SEZ6: variants seen among roughly 807,000 people sequenced by gnomAD.
The protein encoded by SEZ6 is seizure protein 6 homolog.
A neutral mutation model predicts 101.0 loss-of-function variants in SEZ6; 53 were observed. The observed-to-expected ratio is 0.52, with a 90% CI of 0.42 to 0.66. SEZ6 has a LOEUF of 0.66. Ranked by LOEUF, SEZ6 falls within the 30% of genes least tolerant of loss-of-function variation. SEZ6 has a pLI of 0.00. For missense variants in SEZ6, 1,102 were observed against 1,289.4 expected (o/e 0.85, Z 2.23); for synonymous variants, 488 against 512.2 (o/e 0.95, Z 0.64).
At chr17:28,986,973 G>A (rs547197142) in intron 1 of SEZ6, among the ~76,000 whole-genome samples, 2 of 152,202 alleles carry the variant, frequency 1.3e-5, no homozygotes, top group Non-Finnish European at 2.9e-5. Context: ...GGGCAGTCAC[G>A]GGAACCAAAG....
At chr17:28,971,628 A>G (rs1598191152) in intron 3 of SEZ6, among the ~76,000 whole-genome samples, 1 of 152,236 alleles carries the variant, frequency 6.6e-6, no homozygotes, top group Admixed American at 6.5e-5. Context: ...AGAATCTCAG[A>G]CCCACTAAAG....
At chr17:28,987,177 A>G (rs2041396543) in intron 1 of SEZ6, among the ~76,000 whole-genome samples, 1 of 152,248 alleles carries the variant, frequency 6.6e-6, no homozygotes, top group South Asian at 2.1e-4. Flanking sequence ...TCCATTTATT[A>G]TCCCATAAAA....
intron 3 of SEZ6, among the ~76,000 whole-genome samples, chr17:28,976,874 C>T (rs1317885471): frequency 6.6e-6 from 1 of 152,204 alleles, no homozygotes; most frequent in Admixed American, 6.5e-5. Flanking sequence ...GTCATCACCT[C>T]CAGGAAGCCT....
In SEZ6 at chr17:28,969,822, G is replaced by A. The variant is rs754657367; in HGVS notation, c.989C>T (p.Ala330Val). 17 of 1,526,248 alleles carry A rather than the reference G, an allele frequency of 1.1e-5. No homozygotes were observed. Among genetic ancestry groups the A allele is most frequent in the East Asian group, 5.2e-5 (2 of 38,470 alleles). 94.5% of individuals were successfully genotyped at this position (1,526,248 alleles called of 1,614,324 possible). The change falls in exon 4 of 17, where the codon GCG (alanine) becomes GTG (valine). Residue 330 changes from alanine (A) to valine (V), a missense_variant. Ala to Val is a moderately conservative substitution (Grantham distance 64). Around this residue, in one of 3 missense-constraint regions of SEZ6, gnomAD observed 556 missense variants for 735.1 expected, o/e 0.76. Transcript: ENST00000317338. ...GQVIRSPTHQ[A>V]ALRFQSLPPP... The stretch of plus-strand genomic sequence containing the variant: ...CGGGAGGCTCTGGAACCTCAGGGCC[G>A]CTTGGTGGGTGGGGCTGCGGATGAC...
chr17:28,973,121 G>T (rs947658489), intron 3 of SEZ6, among the ~76,000 whole-genome samples: 1 of 152,104 alleles, frequency 6.6e-6, no homozygotes, highest in Non-Finnish European at 1.5e-5. Context: ...GCCTTGTATT[G>T]TACTAAGTGC....
Position 28,981,501 on chromosome 17 carries a change from C to T in SEZ6, c.594G>A (p.Glu198=), listed in dbSNP as rs938562022. The T allele has an allele frequency of 6.2e-7, 1 of 1,607,326 alleles. No homozygotes were observed. Among genetic ancestry groups the T allele is most frequent in the African/African-American group, 1.3e-5 (1 of 74,778 alleles). The change falls in exon 2 of 17, where the codon GAG becomes GAA. Residue 198 remains glutamate, a synonymous_variant. Coordinates refer to ENST00000317338, the MANE Select transcript of SEZ6 (RefSeq NM_178860.5). The part of the protein sequence containing the change: ...PGDMGRPWVA[E]VVSQGAGIGI... ...CGATCCCTGCGCCCTGGGACACAAC[C>T]TCTGCAACCCACGGCCTTCCCATGT...
At chr17:28,976,063 G>A (rs1182403711) in intron 3 of SEZ6, among the ~76,000 whole-genome samples, 1 of 152,240 alleles carries the variant, frequency 6.6e-6, no homozygotes, top group African/African-American at 2.4e-5. Context: ...AAAGAGCCTA[G>A]CCCAATGCCT....
At chr17:28,993,752 C>T (rs1242896993) in intron 1 of SEZ6, among the ~76,000 whole-genome samples, 4 of 152,138 alleles carry the variant, frequency 2.6e-5, no homozygotes, top group African/African-American at 9.7e-5. Context: ...AGGTTCCTTC[C>T]TGGGCCCCAG....
In SEZ6 at chr17:28,959,340, A is replaced by G; in HGVS notation, c.1904T>C (p.Ile635Thr). 1 of 1,613,758 alleles carries G rather than the reference A, an allele frequency of 6.2e-7. No homozygotes were observed. The highest frequency in any genetic ancestry group is 8.5e-7 in the Non-Finnish European group (1 of 1,179,834). The change falls in exon 9 of 17, where the codon ATC becomes ACC. Residue 635 changes from isoleucine (I) to threonine (T), a missense_variant. Ile to Thr is a moderately conservative substitution (Grantham distance 89). Coordinates refer to ENST00000317338, the MANE Select transcript of SEZ6 (RefSeq NM_178860.5). This position sits in a 1 kb window ranked among gnomAD's most constrained non-coding sequence, Gnocchi z 4.4. The part of the protein sequence containing the change: ...VEEDKRIMLD[I>T]RVLRIGPGDV... ...TGACCCGGTAGGCACTCACACTCGGATGTCCAGCATGATGCGCTTGTCCTC... is the reference window on the plus strand; with the variant it reads ...TGACCCGGTAGGCACTCACACTCGGGTGTCCAGCATGATGCGCTTGTCCTC...
chr17:28,957,717 G>A, intron 11 of SEZ6, 178 bp from the exon 12 acceptor site: 1 of 879,798 alleles, frequency 1.1e-6, no homozygotes, highest in South Asian at 1.8e-5. Context: ...CATCTATTAG[G>A]TTCGATAAAA....
At chr17:29,001,913 C>T (rs2152694044) in intron 1 of SEZ6, among the ~76,000 whole-genome samples, 1 of 152,220 alleles carries the variant, frequency 6.6e-6, no homozygotes, top group African/African-American at 2.4e-5. Flanking sequence ...TTGAGGCTCT[C>T]CTGTGCTATA....
In SEZ6 at chr17:28,959,457, T is replaced by G. The variant is rs1420923868; in HGVS notation, c.1787A>C (p.Glu596Ala). 6.2e-7 allele frequency: 1 copy of G among 1,613,396 alleles called. No homozygotes were observed. The highest frequency in any genetic ancestry group is 1.7e-5 in the Admixed American group (1 of 60,018). The change falls in exon 9 of 17, where the codon GAG becomes GCG. Residue 596 changes from glutamate to alanine, a missense_variant. Coordinates refer to ENST00000317338, the MANE Select transcript of SEZ6 (RefSeq NM_178860.5). The surrounding 1 kb of genome is among the most constrained non-coding windows in gnomAD (Gnocchi z 4.4). ...TACCACGCCAGCCGAGTCTGTGATC[T>G]CCCCGCTGCACACGGCTGGAAGGCA... Reference protein sequence around the residue: ...EPACRAVCSGEITDSAGVVLS... With the variant: ...EPACRAVCSGAITDSAGVVLS...
chr17:28,965,659 C>T (rs994362306), intron 4 of SEZ6, among the ~76,000 whole-genome samples: 2 of 151,906 alleles, frequency 1.3e-5, no homozygotes, highest in Admixed American at 1.3e-4. Context: ...ATCAAACAAA[C>T]AAGAAAAAGA....
intron 1 of SEZ6, among the ~76,000 whole-genome samples, chr17:28,989,066 G>C (rs1353756522): frequency 6.6e-6 from 1 of 152,302 alleles, no homozygotes; most frequent in East Asian, 1.9e-4. Context: ...CTGTCACATG[G>C]AGGGAGCATG....
chr17:28,995,169 G>A lies in SEZ6; in HGVS notation c.55+10646C>T, dbSNP rs537600383. 1.4e-4 allele frequency among the ~76,000 whole-genome samples: 22 copies of A among 152,272 alleles called. No individual in the cohort carries two copies. The East Asian group carries it at 3.5e-3, about 24-fold the overall frequency. The stretch of plus-strand genomic sequence containing the variant: ...ATTACAGGCGTGAGCCACCGCGCCC[G>A]GCCGACTTGTCACTTTTCTTTTGAG... On this transcript the variant is annotated intron_variant, in intron 1 of 16. Coordinates refer to ENST00000317338, the MANE Select transcript of SEZ6 (RefSeq NM_178860.5).
intron 4 of SEZ6, among the ~76,000 whole-genome samples, chr17:28,967,616 T>C (rs2152685762): frequency 6.6e-6 from 1 of 152,006 alleles, no homozygotes; most frequent in South Asian, 2.1e-4. Flanking sequence ...GGTTAAGAGG[T>C]TAACTGACGC....
chr17:28,981,657 GGACTCT>G lies in SEZ6; in HGVS notation c.432_437del (p.Glu145_Ser146del), dbSNP rs2041306942. On this transcript the variant is annotated inframe_deletion, in exon 2 of 17. Coordinates refer to ENST00000317338, the MANE Select transcript of SEZ6 (RefSeq NM_178860.5). ...GGGGAGCTGTGATTCGAAGCATAGG[GGACTCT>G]GACTCCGGACTCCAGGGTCCCTCCT... 6.3e-7 allele frequency: 1 copy of G among 1,577,970 alleles called. No individual in the cohort carries two copies. The highest frequency in any genetic ancestry group is 1.3e-5 in the African/African-American group (1 of 74,114).
At chr17:28,988,061 T>C (rs999055993) in intron 1 of SEZ6, among the ~76,000 whole-genome samples, 6 of 152,206 alleles carry the variant, frequency 3.9e-5, no homozygotes, top group African/African-American at 1.4e-4. Flanking sequence ...GAGGGGCAGT[T>C]GTTGGGTTGG....
chr17:28,967,878 C>T (rs915570526), intron 4 of SEZ6, among the ~76,000 whole-genome samples: 3 of 152,096 alleles, frequency 2.0e-5, no homozygotes, highest in South Asian at 4.1e-4. Flanking sequence ...CAACCGTTCC[C>T]GGGGAGCCTG....
Sources: gnomAD v4.1 joint callset for allele counts (sites outside exome capture counted in the v4.1 genomes callset) on GRCh38, gnomAD v4.1.1 for gene constraint, gnomAD v4.1.1 regional missense constraint, Gnocchi (gnomAD v3.1) non-coding constraint, MANE v1.5 for transcripts, NCBI Gene and HGNC (gene_info 2026-07-23, HGNC 2026-07-21) for gene names.